PSMG2: variants seen among roughly 807,000 people sequenced by gnomAD.
PSMG2 encodes proteasome assembly chaperone 2.
In PSMG2, 21 loss-of-function variants were observed where a neutral mutation model predicts 31.5. That is an observed-to-expected ratio of 0.67 (90% CI 0.47 to 0.96). The LOEUF (loss-of-function observed/expected upper bound fraction) is 0.96. Ranked by LOEUF, PSMG2 falls within the 40% of genes least tolerant of loss-of-function variation. The probability of loss-of-function intolerance (pLI) is 0.00; values close to 1 mark genes in which losing one functional copy is unlikely to be tolerated. For missense variants in PSMG2, 318 were observed against 321.2 expected (o/e 0.99, Z 0.08); for synonymous variants, 120 against 110.4 (o/e 1.09, Z -0.54).
At chr18:12,722,393 G>A (rs1220051999) in intron 5 of PSMG2, among the ~76,000 whole-genome samples, 3 of 152,078 alleles carry the variant, frequency 2.0e-5, no homozygotes, top group African/African-American at 7.2e-5. Context: ...GAGCTGAGTG[G>A]AGGAAATCAG....
At chr18:12,679,946 C>T (rs755169080) in intron 1 of PSMG2, among the ~76,000 whole-genome samples, 18 of 151,566 alleles carry the variant, frequency 1.2e-4, no homozygotes, top group African/African-American at 4.4e-4. Flanking sequence ...GTCCCAGCTA[C>T]GCAAGAGGCT....
At chr18:12,668,207 TTGATCTGAGATTGCACCAC>T (rs2038844397) in intron 1 of PSMG2, among the ~76,000 whole-genome samples, 2 of 151,774 alleles carry the variant, frequency 1.3e-5, no homozygotes, top group African/African-American at 4.8e-5. Context: ...GGAGGTTGCA[TTGATCTGAGATTGCACCAC>T]TGCACTCCAG....
chr18:12,722,648 C>T (rs926876526), intron 5 of PSMG2, among the ~76,000 whole-genome samples: 5 of 152,148 alleles, frequency 3.3e-5, no homozygotes, highest in South Asian at 2.1e-4. Context: ...TCAGGAAATG[C>T]GGATTTTACC....
intron 1 of PSMG2, among the ~76,000 whole-genome samples, chr18:12,682,047 A>G (rs2145023378): frequency 6.6e-6 from 1 of 152,248 alleles, no homozygotes; most frequent in Admixed American, 6.5e-5. Flanking sequence ...GTGTTCTGTG[A>G]AAAAAATTAC....
At chr18:12,702,032 C>T (rs1373876153), upstream of PSMG2, among the ~76,000 whole-genome samples, 3 of 152,060 alleles carry the variant, frequency 2.0e-5, no homozygotes, top group Non-Finnish European at 4.4e-5. Flanking sequence ...GAGGCTGAGG[C>T]GGAGAATCGC....
intron 2 of PSMG2, among the ~76,000 whole-genome samples, chr18:12,707,476 A>G (rs1280689188): frequency 1.3e-5 from 2 of 152,222 alleles, no homozygotes; most frequent in Non-Finnish European, 2.9e-5. Context: ...CTTCCATTAT[A>G]GGATCCATAA....
At chr18:12,713,680 A>G (rs924663581) in intron 3 of PSMG2, among the ~76,000 whole-genome samples, 1 of 152,174 alleles carries the variant, frequency 6.6e-6, no homozygotes, top group Non-Finnish European at 1.5e-5. Flanking sequence ...AATTTCAGCC[A>G]GTTCTTTTAT....
intron 1 of PSMG2, chr18:12,686,700 G>A (rs573283157): frequency 8.7e-5 from 28 of 322,260 alleles, no homozygotes; most frequent in African/African-American, 6.0e-4. Context: ...CAAGCTCTGA[G>A]CTGTTTTACT....
chr18:12,667,618 G>A (rs1430908700), intron 1 of PSMG2, among the ~76,000 whole-genome samples: 14 of 151,574 alleles, frequency 9.2e-5, no homozygotes, highest in Admixed American at 2.0e-4. Context: ...AAAATTAGCC[G>A]GGCGTGGTGG....
At chr18:12,696,933 A>G (rs887891958) in intron 1 of PSMG2, among the ~76,000 whole-genome samples, 3 of 147,916 alleles carry the variant, frequency 2.0e-5, no homozygotes, top group Non-Finnish European at 2.9e-5. Flanking sequence ...TTATAGCCTT[A>G]TATTTAATCA....
intron 4 of PSMG2, 120 bp from the exon 5 acceptor site, chr18:12,720,390 G>C: frequency 1.3e-6 from 1 of 758,460 alleles, no homozygotes; most frequent in Non-Finnish European, 2.0e-6. Flanking sequence ...TTTTACTTAA[G>C]TCTGCTGAAA....
chr18:12,702,727 G>A (rs2040202778), upstream of PSMG2: 2 of 660,818 alleles, frequency 3.0e-6, no homozygotes, highest in Admixed American at 6.5e-5. Context: ...TGGAAATGAG[G>A]CCCCGGCGGC....
rs975333516 is a variant in PSMG2 at position 12,707,143 on chromosome 18, G to A, written c.229+422G>A. Among the ~76,000 whole-genome samples, 31 of 152,026 alleles carry A rather than the reference G, an allele frequency of 2.0e-4. 1 individual carries two copies. The highest frequency in any genetic ancestry group is 2.0e-3 in the Admixed American group (31 of 15,246). Reference sequence around the variant, plus strand: ...GCTAATTTTTTGTATTTTTTTAGTAGAGACGGGGGTTTCACTGTGTTAGCC... The same window carrying A: ...GCTAATTTTTTGTATTTTTTTAGTAAAGACGGGGGTTTCACTGTGTTAGCC... On this transcript the variant is annotated intron_variant, in intron 2 of 6. Transcript: ENST00000317615.
intron 5 of PSMG2, among the ~76,000 whole-genome samples, chr18:12,720,960 A>G (rs540735907): frequency 5.3e-4 from 81 of 152,182 alleles, no homozygotes; most frequent in African/African-American, 1.7e-3. Context: ...GGTCAGATCA[A>G]TCAAGACCAG....
chr18:12,704,288 TCA>T (rs1481280555), intron 1 of PSMG2, among the ~76,000 whole-genome samples: 1 of 152,062 alleles, frequency 6.6e-6, no homozygotes, highest in Admixed American at 6.6e-5. Context: ...TAATATATAT[TCA>T]GTCATTAATT....
intron 1 of PSMG2, chr18:12,680,793 G>C: frequency 6.2e-7 from 1 of 1,613,334 alleles, no homozygotes; most frequent in Non-Finnish European, 8.5e-7. Context: ...CAAGAAGAAG[G>C]CTGCACAGAA....
intron 1 of PSMG2, among the ~76,000 whole-genome samples, chr18:12,680,278 C>CA (rs2039298077): frequency 6.6e-6 from 1 of 152,050 alleles, no homozygotes. Flanking sequence ...TCAATATGGA[C>CA]AAAAAACCCT....
intron 3 of PSMG2, among the ~76,000 whole-genome samples, chr18:12,717,836 G>A (rs953236294): frequency 3.9e-5 from 6 of 152,100 alleles, no homozygotes; most frequent in African/African-American, 1.4e-4. Flanking sequence ...CATGTGACCA[G>A]ATTCGGGTCA....
At position 12,704,734 on chromosome 18, in the gene PSMG2, A is replaced by G. The variant is rs537770961; in HGVS notation, c.57+1570A>G. On this transcript the variant is annotated intron_variant, in intron 1 of 6. Coordinates refer to ENST00000317615, the MANE Select transcript of PSMG2 (RefSeq NM_020232.5). ...AAGGGAGAGCCTTTTAGAATGAAAGATATTAGAGCATGTTTACGTGCTGAT... is the reference window on the plus strand; with the variant it reads ...AAGGGAGAGCCTTTTAGAATGAAAGGTATTAGAGCATGTTTACGTGCTGAT... Among the ~76,000 whole-genome samples, 10 of 152,330 alleles carry G rather than the reference A, an allele frequency of 6.6e-5. No individual in the cohort carries two copies. The East Asian group carries it at 1.7e-3, about 26-fold the overall frequency.
Sources: gnomAD v4.1 joint callset for allele counts (sites outside exome capture counted in the v4.1 genomes callset) on GRCh38, gnomAD v4.1.1 for gene constraint, MANE v1.5 for transcripts, NCBI Gene and HGNC (gene_info 2026-07-23, HGNC 2026-07-21) for gene names.